The following TNR variants were observed in gnomAD, a reference collection of about 807,000 sequenced individuals.
TNR encodes the protein tenascin-R.
A neutral mutation model predicts 150.4 loss-of-function variants in TNR; 45 were observed. The observed-to-expected ratio is 0.30, with a 90% CI of 0.24 to 0.38. TNR has a LOEUF of 0.38. TNR is among the 10% of genes least tolerant of loss of function. TNR has a pLI of 1.00. For synonymous variants in TNR, 687 were observed against 678.4 expected (o/e 1.01, Z -0.20); for missense variants, 1,544 against 1,759.1 (o/e 0.88, Z 2.19).
intron 1 of TNR, among the ~76,000 whole-genome samples, chr1:175,627,952 C>T (rs553912807): frequency 1.3e-5 from 2 of 152,270 alleles, no homozygotes; most frequent in South Asian, 2.1e-4. Flanking sequence ...CCCCAATCCA[C>T]GATAGTCAGA....
chr1:175,324,763 C>T (rs1286752608), intron 21 of TNR, among the ~76,000 whole-genome samples: 1 of 152,180 alleles, frequency 6.6e-6, no homozygotes, highest in Non-Finnish European at 1.5e-5. Context: ...AGAATTTTCT[C>T]CACTTAACCC....
At chr1:175,536,968 T>C (rs1660316164) in intron 1 of TNR, among the ~76,000 whole-genome samples, 1 of 152,190 alleles carries the variant, frequency 6.6e-6, no homozygotes, top group Non-Finnish European at 1.5e-5. Context: ...TAGCCTCCAC[T>C]CTGTCTCTTC....
At chr1:175,419,578 T>C (rs953700367) in intron 2 of TNR, among the ~76,000 whole-genome samples, 5 of 151,934 alleles carry the variant, frequency 3.3e-5, no homozygotes, top group African/African-American at 4.8e-5. Context: ...GCCTCCCGGG[T>C]TCAAGCAATT....
chr1:175,428,340 C>A lies in TNR; in HGVS notation c.-63-21563G>T, dbSNP rs554567083. Among the ~76,000 whole-genome samples, 3 of 152,216 alleles carry A rather than the reference C, an allele frequency of 2.0e-5. No homozygotes were observed. The South Asian group carries it at 6.2e-4, about 32-fold the overall frequency. ...GCTGACCAGCATCTCCTACTCATGG[C>A]GTAAATCTGGTGAGACATGGCTGAG... On this transcript the variant is annotated intron_variant, in intron 2 of 22. Transcript: ENST00000367674.
At chr1:175,415,731 C>G (rs1209631798) in intron 2 of TNR, among the ~76,000 whole-genome samples, 1 of 152,170 alleles carries the variant, frequency 6.6e-6, no homozygotes, top group South Asian at 2.1e-4. Flanking sequence ...CCTGGGAGAA[C>G]TCTAATTGAC....
intron 9 of TNR, among the ~76,000 whole-genome samples, chr1:175,374,930 G>C (rs774228625): frequency 2.0e-5 from 3 of 152,224 alleles, no homozygotes; most frequent in Non-Finnish European, 4.4e-5. Context: ...CCAGGTGAGA[G>C]AGAGTGGATG....
chr1:175,633,306 T>G (rs1253083307), intron 1 of TNR, among the ~76,000 whole-genome samples: 1 of 152,202 alleles, frequency 6.6e-6, no homozygotes, highest in African/African-American at 2.4e-5. Context: ...CTTATGTTCT[T>G]TTTTTGTTTC....
intron 18 of TNR, among the ~76,000 whole-genome samples, chr1:175,342,432 G>A (rs1571316068): frequency 1.3e-5 from 2 of 152,334 alleles, no homozygotes; most frequent in East Asian, 3.9e-4. Context: ...AGGAGACAGA[G>A]CAAGAATTGG....
At chr1:175,502,890 G>A (rs1224686345) in intron 2 of TNR, among the ~76,000 whole-genome samples, 1 of 151,484 alleles carries the variant, frequency 6.6e-6, no homozygotes, top group Non-Finnish European at 1.5e-5. Context: ...AAGGCTGCAG[G>A]ATGGATGGAC....
intron 1 of TNR, among the ~76,000 whole-genome samples, chr1:175,701,471 CT>C (rs1318567367): frequency 1.3e-5 from 2 of 152,224 alleles, no homozygotes; most frequent in African/African-American, 4.8e-5. Context: ...AAGTCCTTGG[CT>C]CCTCAACCCC....
intron 1 of TNR, among the ~76,000 whole-genome samples, chr1:175,633,913 C>T (rs1453098813): frequency 6.6e-6 from 1 of 152,120 alleles, no homozygotes; most frequent in Admixed American, 6.6e-5. Context: ...AAGAGTCAGA[C>T]AAACCCAAGT....
intron 4 of TNR, among the ~76,000 whole-genome samples, chr1:175,402,887 G>A (rs907576894): frequency 6.6e-6 from 1 of 152,068 alleles, no homozygotes; most frequent in Non-Finnish European, 1.5e-5. Context: ...CTTTTTCCTA[G>A]TCTCAGGGGT....
chr1:175,478,760 G>T (rs1657656372), intron 2 of TNR, among the ~76,000 whole-genome samples: 1 of 152,132 alleles, frequency 6.6e-6, no homozygotes, highest in South Asian at 2.1e-4. Flanking sequence ...AGATAATGTG[G>T]CTGCCTCCCT....
rs60551703 is a variant in TNR, at chr1:175,692,050, C to T, written c.-165+51176G>A. ...TGCACTTTGCATCGGCAAAGTAGTT[C>T]GGTTCCCATGACATACTTCACAGTC... On this transcript the variant is annotated intron_variant, in intron 1 of 22. Transcript: ENST00000367674. Among the ~76,000 whole-genome samples, 1,083 of 152,250 alleles carry T rather than the reference C, an allele frequency of 7.1e-3. 14 individuals carry two copies. Among genetic ancestry groups the T allele is most frequent in the African/African-American group, 0.025 (1,025 of 41,530 alleles).
Position 175,403,473 on chromosome 1 carries a change from C to T in TNR, c.643G>A (p.Val215Met), listed in dbSNP as rs1338495903. ...CTGTCACAGATGCACTGGCCATCCACACACACCCCCCGGCTGGAGCAACCC... is the reference window on the plus strand; with the variant it reads ...CTGTCACAGATGCACTGGCCATCCATACACACCCCCCGGCTGGAGCAACCC... ...PLGCSSRGVCVDGQCICDSEY... is the reference protein window; with the variant it reads ...PLGCSSRGVCMDGQCICDSEY... The change falls in exon 4 of 23, where the codon GTG (valine) becomes ATG (methionine). Residue 215 changes from valine (V) to methionine (M), a missense_variant. By Grantham distance (21) the Val-to-Met change is conservative. Around this residue, in one of 2 missense-constraint regions of TNR, gnomAD observed 1,254 missense variants for 1,329.4 expected, o/e 0.94. Transcript: ENST00000367674. The T allele has an allele frequency of 6.2e-7, 1 of 1,614,248 alleles. No homozygotes were observed. Among genetic ancestry groups the T allele is most frequent in the Admixed American group, 1.7e-5 (1 of 60,026 alleles).
rs1665972760 is a variant in TNR, at chr1:175,679,710, A to T, written c.-165+63516T>A. On this transcript the variant is annotated intron_variant, in intron 1 of 22. Transcript: ENST00000367674. Reference sequence around the variant, plus strand: ...ACTCAAGACTGTCCATGAGAAGGCCACAGGGGAGACCAAGAGCCTGCGTGG... The same window carrying T: ...ACTCAAGACTGTCCATGAGAAGGCCTCAGGGGAGACCAAGAGCCTGCGTGG... Among the ~76,000 whole-genome samples, 5 of 152,196 alleles carry T rather than the reference A, an allele frequency of 3.3e-5. No individual in the cohort carries two copies. In the South Asian group the frequency reaches 1.0e-3, roughly 32 times the overall value.
At chr1:175,584,405 G>A (rs1046007786) in intron 1 of TNR, among the ~76,000 whole-genome samples, 1 of 152,194 alleles carries the variant, frequency 6.6e-6, no homozygotes, top group African/African-American at 2.4e-5. Flanking sequence ...AGAGACATCA[G>A]AAAGAGCATG....
chr1:175,402,508 T>A (rs1653761387), intron 4 of TNR, among the ~76,000 whole-genome samples: 1 of 152,154 alleles, frequency 6.6e-6, no homozygotes, highest in Non-Finnish European at 1.5e-5. Context: ...CTCTTAATAT[T>A]CTGTACTAAT....
At chr1:175,547,997 C>A (rs1180944306) in intron 1 of TNR, among the ~76,000 whole-genome samples, 1 of 152,124 alleles carries the variant, frequency 6.6e-6, no homozygotes, top group Non-Finnish European at 1.5e-5. Context: ...AAGGTAGCTG[C>A]GTGAAAGGTG....
Sources: gnomAD v4.1 joint callset for allele counts (sites outside exome capture counted in the v4.1 genomes callset) on GRCh38, gnomAD v4.1.1 for gene constraint, gnomAD v4.1.1 regional missense constraint, MANE v1.5 for transcripts, NCBI Gene and HGNC (gene_info 2026-07-23, HGNC 2026-07-21) for gene names.